Variants in NAALADL2 observed in about 807,000 individuals in gnomAD.
NAALADL2 encodes the protein inactive N-acetylated-alpha-linked acidic dipeptidase-like protein 2.
In NAALADL2, 76 loss-of-function variants were observed where a neutral mutation model predicts 87.2. The ratio of observed to expected loss-of-function variants is 0.87; its 90% CI spans 0.72 to 1.05. The LOEUF is 1.05. NAALADL2 is among the 50% of genes least tolerant of loss of function. The probability of loss-of-function intolerance (pLI) is 0.00; values close to 1 mark genes in which losing one functional copy is unlikely to be tolerated. For missense variants in NAALADL2, 1,089 were observed against 945.8 expected (o/e 1.15, Z -1.99); for synonymous variants, 354 against 331.0 (o/e 1.07, Z -0.75).
chr3:175,594,103 G>A (rs1721917966), intron 10 of NAALADL2, among the ~76,000 whole-genome samples: 2 of 151,978 alleles, frequency 1.3e-5, no homozygotes, highest in African/African-American at 4.8e-5. Context: ...CAGGTAGTGA[G>A]CATAATACCC....
intron 1 of NAALADL2, among the ~76,000 whole-genome samples, chr3:174,961,639 C>A (rs1167741844): frequency 6.6e-6 from 1 of 151,972 alleles, no homozygotes; most frequent in Non-Finnish European, 1.5e-5. Context: ...AAATAGCATG[C>A]TCAAGTCTCA....
At chr3:175,747,190 A>G (rs1653838398) in intron 12 of NAALADL2, among the ~76,000 whole-genome samples, 1 of 152,072 alleles carries the variant, frequency 6.6e-6, no homozygotes, top group African/African-American at 2.4e-5. Flanking sequence ...TCCCTTAATT[A>G]TTATCCTAAG....
chr3:174,542,153 GAT>G (rs2108468927), intron 1 of NAALADL2, among the ~76,000 whole-genome samples: 1 of 152,294 alleles, frequency 6.6e-6, no homozygotes, highest in South Asian at 2.1e-4. Context: ...GTCTTATGCT[GAT>G]ACACATCAGG....
intron 1 of NAALADL2, among the ~76,000 whole-genome samples, chr3:174,509,788 AT>A (rs1034852339): frequency 2.6e-5 from 4 of 151,020 alleles, no homozygotes; most frequent in African/African-American, 9.7e-5. Context: ...TTGCTACCTT[AT>A]TTTACCTTGA....
At chr3:175,569,731 G>C (rs1257763194) in intron 9 of NAALADL2, among the ~76,000 whole-genome samples, 1 of 151,802 alleles carries the variant, frequency 6.6e-6, no homozygotes, top group Non-Finnish European at 1.5e-5. Context: ...GCACTCTGAT[G>C]AACTTCCCAG....
chr3:174,442,298 C>T (rs1368278480), intron 1 of NAALADL2, among the ~76,000 whole-genome samples: 5 of 152,012 alleles, frequency 3.3e-5, no homozygotes, highest in Non-Finnish European at 4.4e-5. Flanking sequence ...ATTTTAAGTA[C>T]GATTTTCACC....
At position 174,776,402 on chromosome 3, in the gene NAALADL2, G is replaced by A. The variant is rs533125523; in HGVS notation, c.-9+38656G>A. Reference sequence around the variant, plus strand: ...CCCTGTTTAGGTAATAAACTTTACAGACTCACAATTCTGTAAACGCCACAC... The same window carrying A: ...CCCTGTTTAGGTAATAAACTTTACAAACTCACAATTCTGTAAACGCCACAC... On this transcript the variant is annotated intron_variant, in intron 3 of 3. Transcript: ENST00000434257. Among the ~76,000 whole-genome samples, 34 of 152,170 alleles carry A rather than the reference G, an allele frequency of 2.2e-4. 1 individual carries two copies. In the South Asian group the frequency reaches 6.8e-3, roughly 31 times the overall value.
intron 5 of NAALADL2, among the ~76,000 whole-genome samples, chr3:175,343,220 T>G (rs1762746878): frequency 6.6e-6 from 1 of 152,056 alleles, no homozygotes; most frequent in South Asian, 2.1e-4. Flanking sequence ...ATACATTGCC[T>G]GGTAATTTTT....
intron 2 of NAALADL2, among the ~76,000 whole-genome samples, chr3:175,192,150 G>A (rs1277989743): frequency 6.6e-6 from 1 of 152,014 alleles, no homozygotes; most frequent in Non-Finnish European, 1.5e-5. Context: ...TTACTGGAGT[G>A]TTCCTGGAAA....
At chr3:174,940,337 A>G (rs1452490321) in intron 1 of NAALADL2, among the ~76,000 whole-genome samples, 3 of 152,106 alleles carry the variant, frequency 2.0e-5, no homozygotes, top group Non-Finnish European at 4.4e-5. Context: ...TGTAGAACCA[A>G]TCTTGCATCC....
chr3:175,690,290 T>G (rs544214787), intron 11 of NAALADL2, among the ~76,000 whole-genome samples: 1 of 152,080 alleles, frequency 6.6e-6, no homozygotes, highest in African/African-American at 2.4e-5. Context: ...GGAGAAATAA[T>G]ATTCAGGGCC....
intron 1 of NAALADL2, among the ~76,000 whole-genome samples, chr3:174,489,174 A>G (rs1421898249): frequency 1.3e-5 from 2 of 152,056 alleles, no homozygotes; most frequent in Non-Finnish European, 2.9e-5. Context: ...TAAATTCTAT[A>G]TTATTAAACT....
At chr3:175,774,796 A>G (rs1159064583) in intron 13 of NAALADL2, 1 of 151,962 alleles carries the variant, frequency 6.6e-6, no homozygotes, top group Admixed American at 6.6e-5. Flanking sequence ...AAAAGTAAAA[A>G]TAAAGTGAAA....
chr3:175,610,820 G>C (rs1259922050), intron 10 of NAALADL2, among the ~76,000 whole-genome samples: 1 of 152,058 alleles, frequency 6.6e-6, no homozygotes, highest in Non-Finnish European at 1.5e-5. Flanking sequence ...TTACTGAACA[G>C]TTCTCTGTGC....
At chr3:174,987,586 A>AAAAAAC (rs1746077250) in intron 1 of NAALADL2, among the ~76,000 whole-genome samples, 3 of 141,866 alleles carry the variant, frequency 2.1e-5, no homozygotes, top group East Asian at 2.0e-4. Flanking sequence ...AAAAAAAAAA[A>AAAAAAC]AAAAAAAAAA....
chr3:174,830,791 A>G (rs369676142), intron 3 of NAALADL2, among the ~76,000 whole-genome samples: 10 of 152,082 alleles, frequency 6.6e-5, no homozygotes, highest in South Asian at 6.2e-4. Flanking sequence ...CTTGAGCAGT[A>G]GTTTGTAGTT....
intron 1 of NAALADL2, among the ~76,000 whole-genome samples, chr3:175,080,855 ATGTTG>A (rs1452810901): frequency 9.2e-5 from 14 of 152,174 alleles, no homozygotes; most frequent in Non-Finnish European, 1.6e-4. Flanking sequence ...CCACTTAACT[ATGTTG>A]TGTAATTTTA....
chr3:175,492,422 G>T (rs537569595), intron 9 of NAALADL2, among the ~76,000 whole-genome samples: 2 of 152,214 alleles, frequency 1.3e-5, no homozygotes, highest in South Asian at 4.1e-4. Context: ...TAGAAAGAAA[G>T]ACATTAAGAT....
At chr3:174,737,508 TTGTC>T (rs933572302) in intron 2 of NAALADL2, 10 of 152,190 alleles carry the variant, frequency 6.6e-5, no homozygotes, top group Non-Finnish European at 7.3e-5. Flanking sequence ...AGTGAAAAAT[TTGTC>T]TGCTTACAAT....
Sources: allele counts gnomAD v4.1 joint callset (sites outside exome capture counted in the v4.1 genomes callset), GRCh38; gene constraint gnomAD v4.1.1; transcripts MANE v1.5; gene names NCBI Gene and HGNC (gene_info 2026-07-23, HGNC 2026-07-21).